Variants in LGALS3BP observed in about 807,000 individuals in gnomAD.
LGALS3BP encodes galectin 3 binding protein.
LGALS3BP carries 25 observed loss-of-function variants against 22.9 expected under a neutral mutation model. That is an observed-to-expected ratio of 1.09 (90% CI 0.80 to 1.53). The LOEUF (loss-of-function observed/expected upper bound fraction) is 1.53, where lower values mean the gene tolerates loss of function less well. LGALS3BP is among the 40% of genes most tolerant of loss of function. The probability of loss-of-function intolerance (pLI) is 0.00; values close to 1 mark genes in which losing one functional copy is unlikely to be tolerated. For synonymous variants in LGALS3BP, 335 were observed against 331.1 expected (o/e 1.01, Z -0.13); for missense variants, 718 against 752.0 (o/e 0.95, Z 0.53).
At chr17:78,977,395 G>A in intron 1 of LGALS3BP, 181 bp from the exon 2 acceptor site, 1 of 588,070 alleles carries the variant, frequency 1.7e-6, no homozygotes, top group South Asian at 2.0e-5. Context: ...CCCCGCGGGG[G>A]CCCCTCACCT....
At position 78,972,227 on chromosome 17, in the gene LGALS3BP, G is replaced by A. The variant is rs61752586; in HGVS notation, c.1107C>T (p.His369=). 2.0e-3 allele frequency: 3,302 copies of A among 1,613,884 alleles called. 46 individuals are homozygous for A. The African/African-American group carries it at 0.035, about 17-fold the overall frequency. The part of the protein sequence containing the change: ...LQFNLSLYWS[H]EALFQKKTLQ... ...GAGTCTTCTTCTGGAACAGGGCCTC[G>A]TGGCTCCAGTACAGGGACAGGTTGA... Residue 369 remains histidine, a synonymous_variant, in exon 6 of 6, where the codon CAC becomes CAT. Transcript: ENST00000262776. The surrounding 1 kb of genome is among the most constrained non-coding windows in gnomAD (Gnocchi z 5.1).
Position 78,976,664 on chromosome 17 carries a change from C to G in LGALS3BP, c.52+476G>C, listed in dbSNP as rs2070723545. Among the ~76,000 whole-genome samples the G allele has an allele frequency of 6.6e-6, 1 of 152,162 alleles. No individual in the cohort carries two copies. Reference sequence around the variant, plus strand: ...GACTCAGTCCACCAACACTCCAGCCCCTACAGGAGCTGACAGAGCCGGGCA... The same window carrying G: ...GACTCAGTCCACCAACACTCCAGCCGCTACAGGAGCTGACAGAGCCGGGCA... On this transcript the variant is annotated intron_variant, in intron 2 of 5. Transcript: ENST00000262776. The surrounding 1 kb of genome is among the most constrained non-coding windows in gnomAD (Gnocchi z 4.6).
chr17:78,974,165 C>G (rs192538408), intron 4 of LGALS3BP, among the ~76,000 whole-genome samples: 1 of 152,228 alleles, frequency 6.6e-6, no homozygotes, highest in Non-Finnish European at 1.5e-5. Flanking sequence ...CAGGTTGTCA[C>G]GTGCAAGCCC....
chr17:78,971,876 G>A lies in LGALS3BP; in HGVS notation c.1458C>T (p.Ile486=), dbSNP rs753160181. The A allele has an allele frequency of 2.0e-5, 33 of 1,614,064 alleles. No individual in the cohort carries two copies. Among genetic ancestry groups the A allele is most frequent in the Non-Finnish European group, 2.8e-5 (33 of 1,180,048 alleles). ...AGAAGCCGTAGTTCCAGCAGCTCTG[G>A]ATGGTGGGGAGGTAGACCAGGGACC... ...VSWSLVYLPT[I]QSCWNYGFSC... is the part of the protein sequence containing the mutation. The change falls in exon 6 of 6, where the codon ATC becomes ATT. Residue 486 remains isoleucine (I), a synonymous_variant. Coordinates refer to ENST00000262776, the MANE Select transcript of LGALS3BP (RefSeq NM_005567.4). The surrounding 1 kb of genome is among the most constrained non-coding windows in gnomAD (Gnocchi z 5.6).
rs990353178 is a variant in LGALS3BP at position 78,973,381 on chromosome 17, G to C, written c.377-159C>G. 1.1e-6 allele frequency: 1 copy of C among 900,884 alleles called. No homozygotes were observed. The highest frequency in any genetic ancestry group is 1.7e-5 in the African/African-American group (1 of 59,398). 55.8% of individuals were successfully genotyped at this position (900,884 alleles called of 1,614,324 possible). On this transcript the variant is annotated intron_variant, in intron 4 of 5. Coordinates refer to ENST00000262776, the MANE Select transcript of LGALS3BP (RefSeq NM_005567.4). The surrounding 1 kb of genome is among the most constrained non-coding windows in gnomAD (Gnocchi z 5.8). ...GGGACAAGAGAGACCGGAAGTGTCG[G>C]ATTCCTGGACCCTGAGGCCCCGCCC...
intron 1 of LGALS3BP, 193 bp from the exon 2 acceptor site, chr17:78,977,407 G>C (rs372401636): frequency 9.3e-5 from 54 of 578,724 alleles, no homozygotes; most frequent in African/African-American, 8.9e-4. Flanking sequence ...CCCTCACCTG[G>C]TCTGCAGTGT....
chr17:78,974,062 C>G (rs1437134673), intron 4 of LGALS3BP, among the ~76,000 whole-genome samples: 2 of 152,276 alleles, frequency 1.3e-5, no homozygotes, highest in African/African-American at 4.8e-5. Flanking sequence ...GCCACTTGTC[C>G]ATCCCATGTG....
rs2070676292 is a variant in LGALS3BP at position 78,972,054 on chromosome 17, T to C, written c.1280A>G (p.Lys427Arg). 1 of 1,613,982 alleles carries C rather than the reference T, an allele frequency of 6.2e-7. No individual in the cohort carries two copies. Among genetic ancestry groups the C allele is most frequent in the Non-Finnish European group, 8.5e-7 (1 of 1,180,024 alleles). ...TCTGGACTGATAGACCAGTTGTGAC[T>C]TCCGTGCACTCCAGGAACTGTCTGT... ...FVTDSSWSAR[K>R]SQLVYQSRRG... Residue 427 changes from lysine to arginine, a missense_variant, in exon 6 of 6, where the codon AAG becomes AGG. Lys to Arg is a conservative substitution (Grantham distance 26, BLOSUM62 2). Transcript: ENST00000262776. This position sits in a 1 kb window ranked among gnomAD's most constrained non-coding sequence, Gnocchi z 5.1.
intron 3 of LGALS3BP, among the ~76,000 whole-genome samples, chr17:78,975,356 G>A (rs904239742): frequency 6.6e-6 from 1 of 152,152 alleles, no homozygotes. Flanking sequence ...TGTTTCAATG[G>A]GATAAACTCC....
chr17:78,977,113 T>G, intron 2 of LGALS3BP, 27 bp downstream of exon 2: 2 of 1,612,392 alleles, frequency 1.2e-6, no homozygotes, highest in Non-Finnish European at 8.5e-7. Flanking sequence ...ACTTCTGCTT[T>G]TGGTATTTCC....
chr17:78,971,580 TC>T lies in LGALS3BP; in HGVS notation c.1753del (p.Asp585ThrfsTer32). ...PFYLTNSSGVD is the reference protein window; with the variant it reads ...PFYLTNSSGVX ...ACCACCCTTGGGCCACGCCGTCTAG[TC>T]CACACCTGAGGAGTTGGTCAGGTAG... On this transcript the variant is annotated frameshift_variant, in exon 6 of 6. Transcript: ENST00000262776. LOFTEE classifies it high-confidence loss of function. The surrounding 1 kb of genome is among the most constrained non-coding windows in gnomAD (Gnocchi z 5.6). The T allele has an allele frequency of 1.2e-6, 2 of 1,612,764 alleles. No individual in the cohort carries two copies. Among genetic ancestry groups the T allele is most frequent in the Non-Finnish European group, 1.7e-6 (2 of 1,179,620 alleles).
intron 3 of LGALS3BP, 181 bp from the exon 4 acceptor site, chr17:78,975,000 C>G: frequency 1.3e-6 from 1 of 750,636 alleles, no homozygotes; most frequent in African/African-American, 1.8e-5. Context: ...AATGTCAGGC[C>G]ATAAACTTAG....
intron 4 of LGALS3BP, 84 bp downstream of exon 4, chr17:78,974,604 T>G: frequency 6.8e-7 from 1 of 1,465,960 alleles, no homozygotes; most frequent in Non-Finnish European, 9.3e-7. Flanking sequence ...TTCATGTGCG[T>G]GGGGGGGTGG....
Position 78,971,621 on chromosome 17 carries a change from C to T in LGALS3BP, c.1713G>A (p.Thr571=), listed in dbSNP as rs769112074. ...CPAGHFNGFR[T]VIRPFYLTNS... ...TGGTCAGGTAGAAGGGGCGGATGAC[C>T]GTGCGGAAGCCGTTGAAGTGCCCTG... The change falls in exon 6 of 6, where the codon ACG becomes ACA. Residue 571 remains threonine (T), a synonymous_variant. Coordinates refer to ENST00000262776, the MANE Select transcript of LGALS3BP (RefSeq NM_005567.4). The surrounding 1 kb of genome is among the most constrained non-coding windows in gnomAD (Gnocchi z 5.6). 6.8e-6 allele frequency: 11 copies of T among 1,613,516 alleles called. No individual in the cohort carries two copies. The highest frequency in any genetic ancestry group is 1.7e-5 in the Admixed American group (1 of 59,996).
Position 78,977,137 on chromosome 17 carries a change from C to T in LGALS3BP, c.52+3G>A. The stretch of plus-strand genomic sequence containing the variant: ...TTTGGTATTTCCCAGGGGCTCAGCT[C>T]ACCTTGGGTTCCTGCAACCAGCAGC... On this transcript the variant is annotated splice_donor_region_variant and intron_variant, in intron 2 of 5. Transcript: ENST00000262776. The T allele has an allele frequency of 6.2e-7, 1 of 1,613,264 alleles. No homozygotes were observed. Among genetic ancestry groups the T allele is most frequent in the Non-Finnish European group, 8.5e-7 (1 of 1,179,964 alleles).
chr17:78,976,909 TTCCCTAGTG>T lies in LGALS3BP; in HGVS notation c.52+222_52+230del, dbSNP rs556378987. On this transcript the variant is annotated intron_variant, in intron 2 of 5. Transcript: ENST00000262776. This position sits in a 1 kb window ranked among gnomAD's most constrained non-coding sequence, Gnocchi z 4.6. ...GGTTCCCTCTGGACGGAATGGAGGATTCCCTAGTGTCCTCTCTATAACCTGCATCTCACC... is the reference window on the plus strand; with the variant it reads ...GGTTCCCTCTGGACGGAATGGAGGATTCCTCTCTATAACCTGCATCTCACC... The T allele has an allele frequency of 2.5e-3, 1,419 of 576,562 alleles. 8 individuals carry two copies. The highest frequency in any genetic ancestry group is 4.7e-3 in the South Asian group (235 of 50,346). The allele number at this position is 576,562 out of a possible 1,614,324, so 35.7% of individuals were successfully genotyped here.
In LGALS3BP at chr17:78,972,631, C is replaced by T. The variant is rs2070684080; in HGVS notation, c.703G>A (p.Gly235Arg). 6.4e-7 allele frequency: 1 copy of T among 1,551,578 alleles called. No homozygotes were observed. Among genetic ancestry groups the T allele is most frequent in the African/African-American group, 1.4e-5 (1 of 73,116 alleles). ...CAGTAGCCCTGCAGCTGCCTGGCCC[C>T]ATAGGCAGAGGCCAGCTTGTGGAAG... Reference protein sequence around the residue: ...KCFHKLASAYGARQLQGYCAS... With the variant: ...KCFHKLASAYRARQLQGYCAS... Residue 235 changes from glycine (G) to arginine (R), a missense_variant, in exon 6 of 6, where the codon GGG becomes AGG. Physicochemically the swap from Gly to Arg is moderately radical, Grantham distance 125. Coordinates refer to ENST00000262776, the MANE Select transcript of LGALS3BP (RefSeq NM_005567.4). The surrounding 1 kb of genome is among the most constrained non-coding windows in gnomAD (Gnocchi z 5.1).
intron 4 of LGALS3BP, 105 bp downstream of exon 4, chr17:78,974,583 C>T: frequency 2.9e-6 from 4 of 1,371,172 alleles, no homozygotes; most frequent in Admixed American, 2.1e-5. Flanking sequence ...GTGGAAGGAA[C>T]CTTTGTGTGC....
chr17:78,978,512 G>T (rs1038349240), intron 1 of LGALS3BP, among the ~76,000 whole-genome samples: 1 of 152,260 alleles, frequency 6.6e-6, no homozygotes, highest in Non-Finnish European at 1.5e-5. Flanking sequence ...CAGGCAGGGG[G>T]TCTGCTCGGG....
Sources: allele counts gnomAD v4.1 joint callset (sites outside exome capture counted in the v4.1 genomes callset), GRCh38; gene constraint gnomAD v4.1.1; non-coding constraint Gnocchi (gnomAD v3.1); transcripts MANE v1.5; gene names NCBI Gene and HGNC (gene_info 2026-07-23, HGNC 2026-07-21).